AKT3: variants seen among roughly 807,000 people sequenced by gnomAD.
AKT3 encodes AKT serine/threonine kinase 3, also known as RAC-gamma serine/threonine-protein kinase.
A neutral mutation model predicts 65.3 loss-of-function variants in AKT3; 15 were observed. The ratio of observed to expected loss-of-function variants is 0.23; its 90% CI spans 0.15 to 0.35. AKT3 has a LOEUF of 0.35. Ranked by LOEUF, AKT3 falls within the 10% of genes least tolerant of loss-of-function variation. AKT3 has a pLI of 1.00. For missense variants in AKT3, 243 were observed against 576.5 expected, an observed-to-expected ratio of 0.42 and a Z score of 5.92; for synonymous variants, 206 against 183.8, an observed-to-expected ratio of 1.12 and a Z score of -0.98.
At chr1:243,652,696 A>G (rs994484261) in intron 4 of AKT3, among the ~76,000 whole-genome samples, 4 of 146,066 alleles carry the variant, frequency 2.7e-5, no homozygotes, top group Non-Finnish European at 6.0e-5. Context: ...TATTCAGGAG[A>G]TCCATCTCTC....
rs184154459 is a variant in AKT3 at position 243,529,218 on chromosome 1, C to T, written c.1251+16292G>A. ...CTGAATATTAGACCTTTGTCAGATGCATAGTTTGCAAATATTTTCTCCCAT... is the reference window on the plus strand; with the variant it reads ...CTGAATATTAGACCTTTGTCAGATGTATAGTTTGCAAATATTTTCTCCCAT... On this transcript the variant is annotated intron_variant, in intron 12 of 13. Transcript: ENST00000673466. 4.7e-3 allele frequency among the ~76,000 whole-genome samples: 696 copies of T among 148,424 alleles called. 3 individuals are homozygous for T. The highest frequency in any genetic ancestry group is 7.7e-3 in the Non-Finnish European group (520 of 67,520).
At chr1:243,739,918 C>G (rs1688052473) in intron 2 of AKT3, among the ~76,000 whole-genome samples, 1 of 152,230 alleles carries the variant, frequency 6.6e-6, no homozygotes, top group Non-Finnish European at 1.5e-5. Context: ...TGTTACACAG[C>G]ACAAGCTCTT....
At chr1:243,625,438 T>A (rs1679090669) in intron 6 of AKT3, among the ~76,000 whole-genome samples, 1 of 152,156 alleles carries the variant, frequency 6.6e-6, no homozygotes, top group South Asian at 2.1e-4. Flanking sequence ...TGGCCCAGTC[T>A]GCTGTATTTT....
intron 2 of AKT3, among the ~76,000 whole-genome samples, chr1:243,840,630 C>A (rs1428960948): frequency 6.6e-6 from 1 of 151,834 alleles, no homozygotes; most frequent in Non-Finnish European, 1.5e-5. Context: ...CTATTATAAA[C>A]CTTGACATAT....
At chr1:243,763,054 C>T (rs1439143584) in intron 2 of AKT3, among the ~76,000 whole-genome samples, 1 of 151,928 alleles carries the variant, frequency 6.6e-6, no homozygotes, top group South Asian at 2.1e-4. Flanking sequence ...CGGCTTATTA[C>T]TCTAATAAAG....
chr1:243,758,284 T>C (rs1689268538), intron 2 of AKT3, among the ~76,000 whole-genome samples: 1 of 152,150 alleles, frequency 6.6e-6, no homozygotes, highest in African/African-American at 2.4e-5. Flanking sequence ...GGGAATATAA[T>C]ACTTTGGGGA....
chr1:243,780,459 C>T (rs972547323), intron 2 of AKT3, among the ~76,000 whole-genome samples: 3 of 151,804 alleles, frequency 2.0e-5, no homozygotes, highest in Admixed American at 1.3e-4. Flanking sequence ...TTTCAGGAAA[C>T]ATGCACTTAA....
chr1:243,506,049 T>C (rs1016413936), intron 13 of AKT3, among the ~76,000 whole-genome samples: 1 of 152,238 alleles, frequency 6.6e-6, no homozygotes, highest in Non-Finnish European at 1.5e-5. Flanking sequence ...CAGCACCCTG[T>C]TCTCATAAAT....
At chr1:243,684,313 C>A (rs1684133167) in intron 3 of AKT3, among the ~76,000 whole-genome samples, 1 of 152,078 alleles carries the variant, frequency 6.6e-6, no homozygotes, top group Non-Finnish European at 1.5e-5. Context: ...CCCTAGCCCC[C>A]AATCTCTCAA....
At chr1:243,772,034 T>C (rs1205875719) in intron 2 of AKT3, among the ~76,000 whole-genome samples, 1 of 152,132 alleles carries the variant, frequency 6.6e-6, no homozygotes, top group Non-Finnish European at 1.5e-5. Flanking sequence ...ATACAAAAAT[T>C]AATTCAAGAT....
chr1:243,615,916 T>C (rs1678266289), intron 6 of AKT3, among the ~76,000 whole-genome samples: 1 of 151,864 alleles, frequency 6.6e-6, no homozygotes, highest in Non-Finnish European at 1.5e-5. Context: ...TCCTTATTTA[T>C]TTTTTTAGAG....
At chr1:243,672,945 G>A (rs1329581746) in intron 3 of AKT3, among the ~76,000 whole-genome samples, 2 of 152,142 alleles carry the variant, frequency 1.3e-5, no homozygotes, top group Non-Finnish European at 2.9e-5. Context: ...GTCATTTTGA[G>A]ACAATAGTTA....
chr1:243,644,567 G>A lies in AKT3; in HGVS notation c.429+1326C>T, dbSNP rs539331335. Among the ~76,000 whole-genome samples, 43 of 151,830 alleles carry A rather than the reference G, an allele frequency of 2.8e-4. 1 individual carries two copies. The highest frequency in any genetic ancestry group is 7.5e-4 in the African/African-American group (31 of 41,420). The stretch of plus-strand genomic sequence containing the variant: ...AATGTTTAAAGTGTTTATGTAATAC[G>A]TGCTCAATAAATATTAGCTATTAAA... On this transcript the variant is annotated intron_variant, in intron 5 of 13. Transcript: ENST00000673466.
chr1:243,676,772 A>G (rs1683551746), intron 3 of AKT3, among the ~76,000 whole-genome samples: 1 of 152,090 alleles, frequency 6.6e-6, no homozygotes, highest in African/African-American at 2.4e-5. Context: ...TTTGTTCGTT[A>G]TGACTCTTGG....
intron 2 of AKT3, among the ~76,000 whole-genome samples, chr1:243,800,832 T>C (rs1194798671): frequency 6.6e-6 from 1 of 152,022 alleles, no homozygotes; most frequent in African/African-American, 2.4e-5. Context: ...GGATAAGCCA[T>C]AAAATACAAT....
chr1:243,680,232 G>A (rs1683820714), intron 3 of AKT3, among the ~76,000 whole-genome samples: 1 of 152,128 alleles, frequency 6.6e-6, no homozygotes, highest in Admixed American at 6.6e-5. Flanking sequence ...GGTCCAAAAG[G>A]ACACTGAGAC....
Position 243,688,037 on chromosome 1 carries a change from ATGGATTTATCAAT to A in AKT3, c.172+7541_172+7553del, listed in dbSNP as rs546652073. On this transcript the variant is annotated intron_variant, in intron 3 of 13. Transcript: ENST00000673466. ...AAGAAAAAAACAAGTATCTAAGGTGATGGATTTATCAATTACCTTGATTTCATTATATGAATGT... is the reference window on the plus strand; with the variant it reads ...AAGAAAAAAACAAGTATCTAAGGTGATACCTTGATTTCATTATATGAATGT... Among the ~76,000 whole-genome samples, 85 of 152,324 alleles carry A rather than the reference ATGGATTTATCAAT, an allele frequency of 5.6e-4. 1 individual carries two copies. In the South Asian group the frequency reaches 0.017, roughly 31 times the overall value.
chr1:243,762,321 T>A (rs1025437056), intron 2 of AKT3, among the ~76,000 whole-genome samples: 4 of 152,056 alleles, frequency 2.6e-5, no homozygotes, highest in Non-Finnish European at 5.9e-5. Context: ...AATACCCCCT[T>A]TGAAACTCCT....
intron 2 of AKT3, among the ~76,000 whole-genome samples, chr1:243,757,169 G>A (rs1439596172): frequency 6.6e-6 from 1 of 152,200 alleles, no homozygotes; most frequent in African/African-American, 2.4e-5. Flanking sequence ...AATCTGAATG[G>A]GGTCTGATGA....
Sources: allele counts gnomAD v4.1 joint callset (sites outside exome capture counted in the v4.1 genomes callset), GRCh38; gene constraint gnomAD v4.1.1; transcripts MANE v1.5; gene names NCBI Gene and HGNC (gene_info 2026-07-23, HGNC 2026-07-21).